Variants in FGF18 observed in about 807,000 individuals in gnomAD.
The protein encoded by FGF18 is fibroblast growth factor 18.
FGF18 carries 5 observed loss-of-function variants against 23.0 expected under a neutral mutation model. That is an observed-to-expected ratio of 0.22 (90% confidence interval 0.11 to 0.46). FGF18 has a LOEUF of 0.46. Among genes scored for constraint, FGF18 ranks in the 20% least tolerant of loss-of-function variants. The probability of loss-of-function intolerance (pLI) is 0.99; values close to 1 mark genes in which losing one functional copy is unlikely to be tolerated. For synonymous variants in FGF18, 117 were observed against 118.9 expected (o/e 0.98, Z 0.10); for missense variants, 180 against 291.6 (o/e 0.62, Z 2.79).
chr5:171,441,747 C>T lies in FGF18; in HGVS notation c.250+5474C>T, dbSNP rs574183779. ...CAGTACACAGGGCCAACCACGAAGA[C>T]GCTCTCAGTATATGCTTGAGCAAGT... is the stretch of plus-strand genomic sequence containing the variant. On this transcript the variant is annotated intron_variant, in intron 3 of 4. Transcript: ENST00000274625. Among the ~76,000 whole-genome samples, 19 of 152,340 alleles carry T rather than the reference C, an allele frequency of 1.2e-4. 1 individual carries two copies. The highest frequency in any genetic ancestry group is 4.1e-4 in the African/African-American group (17 of 41,570).
At chr5:171,429,283 CCTCT>C (rs950399267) in intron 2 of FGF18, among the ~76,000 whole-genome samples, 1 of 152,226 alleles carries the variant, frequency 6.6e-6, no homozygotes, top group African/African-American at 2.4e-5. Context: ...AGTCCCGTGG[CCTCT>C]CTGTGTCTTC....
At chr5:171,443,693 T>C (rs911068931) in intron 3 of FGF18, among the ~76,000 whole-genome samples, 8 of 152,016 alleles carry the variant, frequency 5.3e-5, no homozygotes, top group African/African-American at 1.9e-4. Flanking sequence ...GGCATTAAAG[T>C]GGGGAGAGAC....
At chr5:171,452,558 A>C (rs1772532371) in intron 4 of FGF18, among the ~76,000 whole-genome samples, 1 of 152,104 alleles carries the variant, frequency 6.6e-6, no homozygotes, top group South Asian at 2.1e-4. Context: ...TCTGGAACCC[A>C]TGTCACCTGG....
intron 4 of FGF18, 135 bp downstream of exon 4, chr5:171,449,388 T>C: frequency 3.9e-6 from 2 of 513,082 alleles, no homozygotes; most frequent in African/African-American, 4.3e-5. Context: ...TGTGTGTGTG[T>C]GTGTGTGTGT....
intron 4 of FGF18, among the ~76,000 whole-genome samples, chr5:171,452,135 C>T (rs1772524378): frequency 6.6e-6 from 1 of 152,252 alleles, no homozygotes; most frequent in Admixed American, 6.5e-5. Context: ...TCACATCAAC[C>T]CAAGGGAGTC....
intron 2 of FGF18, among the ~76,000 whole-genome samples, chr5:171,423,401 T>C (rs1772045973): frequency 6.6e-6 from 1 of 152,222 alleles, no homozygotes; most frequent in Admixed American, 6.5e-5. Context: ...GGGCTGGGCC[T>C]TTCACGCAGC....
chr5:171,431,031 C>T (rs141227899), intron 2 of FGF18, among the ~76,000 whole-genome samples: 13 of 152,036 alleles, frequency 8.6e-5, no homozygotes, highest in Non-Finnish European at 1.9e-4. Flanking sequence ...TGTGATGTGA[C>T]GCACATTTGT....
At chr5:171,450,169 C>G (rs1269789869) in intron 4 of FGF18, among the ~76,000 whole-genome samples, 1 of 147,408 alleles carries the variant, frequency 6.8e-6, no homozygotes, top group East Asian at 2.0e-4. Flanking sequence ...GGGCAATGCC[C>G]TGGCTGATTA....
At chr5:171,449,091 C>A (rs2113360426) in intron 3 of FGF18, 56 bp from the exon 4 acceptor site, 1 of 1,330,552 alleles carries the variant, frequency 7.5e-7, no homozygotes, top group Non-Finnish European at 1.1e-6. Context: ...AGCCTTTAGA[C>A]CAAGCCATTG....
chr5:171,456,277 T>G lies in FGF18; in HGVS notation c.358-262T>G, dbSNP rs1414014577. ...ACCCTGGCCTGTCCTCAGCAAAGTCTCTGTTAGGTGGCTTTAGCCAGAATC... is the reference window on the plus strand; with the variant it reads ...ACCCTGGCCTGTCCTCAGCAAAGTCGCTGTTAGGTGGCTTTAGCCAGAATC... On this transcript the variant is annotated intron_variant, in intron 4 of 4. Coordinates refer to ENST00000274625, the MANE Select transcript of FGF18 (RefSeq NM_003862.3). This position sits in a 1 kb window ranked among gnomAD's most constrained non-coding sequence, Gnocchi z 6.1. 6.6e-6 allele frequency among the ~76,000 whole-genome samples: 1 copy of G among 152,158 alleles called. No homozygotes were observed. The highest frequency in any genetic ancestry group is 6.5e-5 in the Admixed American group (1 of 15,276).
chr5:171,423,219 C>G (rs1418773506), intron 2 of FGF18, among the ~76,000 whole-genome samples: 1 of 152,200 alleles, frequency 6.6e-6, no homozygotes, highest in Non-Finnish European at 1.5e-5. Context: ...CGCTGGCCAC[C>G]CTGGGAAGTG....
At chr5:171,439,384 A>G (rs1408779508) in intron 3 of FGF18, among the ~76,000 whole-genome samples, 1 of 152,184 alleles carries the variant, frequency 6.6e-6, no homozygotes, top group Admixed American at 6.5e-5. Flanking sequence ...GGGAGAGCAC[A>G]GCTGGCCAGA....
chr5:171,446,533 A>G (rs112719397), intron 3 of FGF18, among the ~76,000 whole-genome samples: 20 of 152,200 alleles, frequency 1.3e-4, no homozygotes, highest in African/African-American at 4.8e-4. Context: ...TAAGGGGAGC[A>G]TAGCAGGAAC....
rs771656785 is a variant in FGF18 at position 171,436,249 on chromosome 5, C to T, written c.226C>T (p.Arg76Cys). 5 of 1,594,058 alleles carry T rather than the reference C, an allele frequency of 3.1e-6. No individual in the cohort carries two copies. The highest frequency in any genetic ancestry group is 1.7e-5 in the Admixed American group (1 of 57,852). The change falls in exon 3 of 5, where the codon CGC becomes TGC. Residue 76 changes from arginine (R) to cysteine (C), a missense_variant. Arg to Cys is a radical substitution (Grantham distance 180). Transcript: ENST00000274625. The surrounding 1 kb of genome is among the most constrained non-coding windows in gnomAD (Gnocchi z 4.4). ...IQVLGRRISA[R>C]GEDGDKYAQL... is the part of the protein sequence containing the mutation. ...GGTCCTGGGCCGCAGGATCAGTGCC[C>T]GCGGCGAGGATGGGGACAAGTATGG...
Position 171,436,811 on chromosome 5 carries a change from C to A in FGF18, c.250+538C>A, listed in dbSNP as rs1029227631. Among the ~76,000 whole-genome samples the A allele has an allele frequency of 6.6e-6, 1 of 152,198 alleles. No homozygotes were observed. Among genetic ancestry groups the A allele is most frequent in the Non-Finnish European group, 1.5e-5 (1 of 68,038 alleles). On this transcript the variant is annotated intron_variant, in intron 3 of 4. Coordinates refer to ENST00000274625, the MANE Select transcript of FGF18 (RefSeq NM_003862.3). This position sits in a 1 kb window ranked among gnomAD's most constrained non-coding sequence, Gnocchi z 4.4. ...CCCTTGACCCTGGAACTGCCCAACC[C>A]TCCTGGAGTACTTGGGAACTCACCC...
chr5:171,439,578 C>CT lies in FGF18; in HGVS notation c.250+3306dup, dbSNP rs1366398760. Among the ~76,000 whole-genome samples, 9 of 152,204 alleles carry CT rather than the reference C, an allele frequency of 5.9e-5. 1 individual carries two copies. The highest frequency in any genetic ancestry group is 5.9e-4 in the Admixed American group (9 of 15,290). On this transcript the variant is annotated intron_variant, in intron 3 of 4. Coordinates refer to ENST00000274625, the MANE Select transcript of FGF18 (RefSeq NM_003862.3). ...CAGGAAGCAGGACACTGAGTTCCAG[C>CT]TGCAGCTCTGCCAGGGAGCATCTTG... is the stretch of plus-strand genomic sequence containing the variant.
intron 4 of FGF18, 52 bp downstream of exon 4, chr5:171,449,305 C>G (rs746517764): frequency 7.9e-7 from 1 of 1,270,170 alleles, no homozygotes; most frequent in South Asian, 1.2e-5. Context: ...TCTGGCAGCT[C>G]TGGGAGCTGG....
rs775745780 is a variant in FGF18, at chr5:171,456,542, G to A, written c.361G>A (p.Asp121Asn). Residue 121 changes from aspartate to asparagine, a missense_variant, in exon 5 of 5, where the codon GAT (aspartate) becomes AAT (asparagine). Physicochemically the swap from Asp to Asn is conservative, Grantham distance 23. Coordinates refer to ENST00000274625, the MANE Select transcript of FGF18 (RefSeq NM_003862.3). The surrounding 1 kb of genome is among the most constrained non-coding windows in gnomAD (Gnocchi z 6.1). ...NRKGKLVGKP[D>N]GTSKECVFIE... ...ACTCCCCCTCTCTCCCCTGCAGCCC[G>A]ATGGCACCAGCAAGGAGTGTGTGTT... 3.1e-6 allele frequency: 5 copies of A among 1,611,628 alleles called. No homozygotes were observed. Among genetic ancestry groups the A allele is most frequent in the East Asian group, 2.2e-5 (1 of 44,848 alleles).
chr5:171,452,575 A>G (rs1772532585), intron 4 of FGF18, among the ~76,000 whole-genome samples: 1 of 152,124 alleles, frequency 6.6e-6, no homozygotes, highest in African/African-American at 2.4e-5. Context: ...CTGGCCCAGG[A>G]GGTGGCGCTT....
Sources: allele counts gnomAD v4.1 joint callset (sites outside exome capture counted in the v4.1 genomes callset), GRCh38; gene constraint gnomAD v4.1.1; non-coding constraint Gnocchi (gnomAD v3.1); transcripts MANE v1.5; gene names NCBI Gene and HGNC (gene_info 2026-07-23, HGNC 2026-07-21).